METTL15: variants seen among roughly 807,000 people sequenced by gnomAD.
METTL15 encodes the protein methyltransferase 15, mitochondrial 12S rRNA N4-cytidine, also known as 12S rRNA N(4)-cytidine methyltransferase METTL15.
In METTL15, 34 loss-of-function variants were observed where a neutral mutation model predicts 38.3. That is an observed-to-expected ratio of 0.89 (90% CI 0.68 to 1.18). METTL15 has a LOEUF of 1.18. METTL15 is among the 50% of genes most tolerant of loss of function. The probability of loss-of-function intolerance (pLI) is 0.00; values close to 1 mark genes in which losing one functional copy is unlikely to be tolerated. For synonymous variants in METTL15, 162 were observed against 170.9 expected (o/e 0.95, Z 0.41); for missense variants, 438 against 498.4 (o/e 0.88, Z 1.15).
At chr11:28,356,069 T>C (rs1850087493) in intron 4 of METTL15, among the ~76,000 whole-genome samples, 1 of 152,192 alleles carries the variant, frequency 6.6e-6, no homozygotes, top group African/African-American at 2.4e-5. Flanking sequence ...GAACATATAA[T>C]TTTATGACTT....
chr11:28,287,981 C>G (rs1006973524), intron 4 of METTL15, among the ~76,000 whole-genome samples: 2 of 152,042 alleles, frequency 1.3e-5, no homozygotes, highest in African/African-American at 4.8e-5. Context: ...ATGTCTTCTT[C>G]CCTTCGGCTG....
rs371416252 is a variant in METTL15, at chr11:28,191,510, A to G, written c.271-19552A>G. On this transcript the variant is annotated intron_variant, in intron 3 of 6. Coordinates refer to ENST00000407364, the MANE Select transcript of METTL15 (RefSeq NM_001113528.2). ...CCAAAAGGTTTTTTTTCAGTACAACATGTAGTCAATAATAGTATCTTTTCA... is the reference window on the plus strand; with the variant it reads ...CCAAAAGGTTTTTTTTCAGTACAACGTGTAGTCAATAATAGTATCTTTTCA... 2.0e-5 allele frequency among the ~76,000 whole-genome samples: 3 copies of G among 151,628 alleles called. No homozygotes were observed. The South Asian group carries it at 6.2e-4, about 31-fold the overall frequency.
chr11:28,519,054 A>G (rs887219064), intron 6 of METTL15: 3 of 152,262 alleles, frequency 2.0e-5, no homozygotes, highest in African/African-American at 4.8e-5. Flanking sequence ...AGTCTTAAAC[A>G]CTGAAAACCA....
chr11:28,504,900 C>T (rs1851615062), intron 6 of METTL15, among the ~76,000 whole-genome samples: 1 of 152,198 alleles, frequency 6.6e-6, no homozygotes, highest in Admixed American at 6.5e-5. Flanking sequence ...TGTCATTATT[C>T]ACTGGGGAGC....
chr11:28,428,190 A>T (rs1227567954), intron 6 of METTL15, among the ~76,000 whole-genome samples: 1 of 152,218 alleles, frequency 6.6e-6, no homozygotes, highest in East Asian at 1.9e-4. Flanking sequence ...CTACACACTC[A>T]GGCTATATAG....
At chr11:28,444,416 A>T (rs1851058933) in intron 6 of METTL15, among the ~76,000 whole-genome samples, 3 of 152,200 alleles carry the variant, frequency 2.0e-5, no homozygotes, top group Admixed American at 1.3e-4. Context: ...GCTTATAGTT[A>T]TTGGAATTTA....
chr11:28,481,860 G>C (rs530074633), intron 6 of METTL15, among the ~76,000 whole-genome samples: 20 of 152,112 alleles, frequency 1.3e-4, no homozygotes, highest in Non-Finnish European at 2.2e-4. Flanking sequence ...GGCGAGGGTC[G>C]CTGCAAGTTT....
intron 3 of METTL15, among the ~76,000 whole-genome samples, chr11:28,143,791 A>G (rs1849783332): frequency 6.6e-6 from 1 of 152,178 alleles, no homozygotes; most frequent in South Asian, 2.1e-4. Context: ...GCCTTGAGAA[A>G]AGATATCTTG....
At chr11:28,422,663 A>G (rs999714134) in intron 5 of METTL15, among the ~76,000 whole-genome samples, 4 of 152,004 alleles carry the variant, frequency 2.6e-5, no homozygotes, top group African/African-American at 9.7e-5. Flanking sequence ...ATCAAATTAA[A>G]CCTCTATCCC....
intron 3 of METTL15, among the ~76,000 whole-genome samples, chr11:28,194,303 A>G (rs1261024373): frequency 1.3e-5 from 2 of 151,282 alleles, no homozygotes; most frequent in South Asian, 2.1e-4. Flanking sequence ...GGTTCAAGCA[A>G]TTCTCCTGCC....
chr11:28,119,231 T>TGA (rs1174771001), intron 3 of METTL15, among the ~76,000 whole-genome samples: 2 of 152,194 alleles, frequency 1.3e-5, no homozygotes, highest in Non-Finnish European at 2.9e-5. Context: ...ACACCTCTCT[T>TGA]AGTAGATTGC....
At chr11:28,477,780 A>G (rs1851359684) in intron 6 of METTL15, among the ~76,000 whole-genome samples, 1 of 152,076 alleles carries the variant, frequency 6.6e-6, no homozygotes, top group Non-Finnish European at 1.5e-5. Context: ...ATTGTTTTTA[A>G]TATTCATCTT....
At chr11:28,478,720 A>G (rs78192179) in intron 6 of METTL15, among the ~76,000 whole-genome samples, 183 of 152,284 alleles carry the variant, frequency 1.2e-3, no homozygotes, top group Non-Finnish European at 2.1e-3. Context: ...AAAAAACATG[A>G]AGCAGTAAGC....
chr11:28,263,551 T>C (rs1162015793), intron 4 of METTL15, among the ~76,000 whole-genome samples: 1 of 152,100 alleles, frequency 6.6e-6, no homozygotes, highest in African/African-American at 2.4e-5. Context: ...CATTATTATA[T>C]AATTAATCAT....
In METTL15 at chr11:28,284,437, G is replaced by T. The variant is rs745703800; in HGVS notation, c.408-5769G>T. The stretch of plus-strand genomic sequence containing the variant: ...ATAACTATAATATCTAAGGAATTAA[G>T]ACTGGACAGTAGCGATTTGTTATAG... On this transcript the variant is annotated intron_variant, in intron 4 of 6. Coordinates refer to ENST00000407364, the MANE Select transcript of METTL15 (RefSeq NM_001113528.2). 2.6e-5 allele frequency among the ~76,000 whole-genome samples: 4 copies of T among 152,296 alleles called. No individual in the cohort carries two copies. In the South Asian group the frequency reaches 6.2e-4, roughly 24 times the overall value.
rs145905388 is a variant in METTL15 at position 28,157,355 on chromosome 11, C to T, written c.270+43751C>T. Among the ~76,000 whole-genome samples, 661 of 152,332 alleles carry T rather than the reference C, an allele frequency of 4.3e-3. 8 individuals are homozygous for T. Among genetic ancestry groups the T allele is most frequent in the African/African-American group, 0.014 (598 of 41,584 alleles). On this transcript the variant is annotated intron_variant, in intron 3 of 6. Coordinates refer to ENST00000407364, the MANE Select transcript of METTL15 (RefSeq NM_001113528.2). ...GGTCCAGGCTGCTGTGCATGCTGCT[C>T]TGCCACTTGGGCAATATGACCCAGC... is the stretch of plus-strand genomic sequence containing the variant.
chr11:28,241,436 A>C (rs1260316045), intron 4 of METTL15, among the ~76,000 whole-genome samples: 1 of 151,742 alleles, frequency 6.6e-6, no homozygotes, highest in Non-Finnish European at 1.5e-5. Context: ...CGGGAGGCTG[A>C]GGCAGGAGAA....
At chr11:28,497,392 A>G (rs1021135642) in intron 6 of METTL15, among the ~76,000 whole-genome samples, 4 of 152,218 alleles carry the variant, frequency 2.6e-5, no homozygotes, top group African/African-American at 4.8e-5. Context: ...GTGCTCCAAA[A>G]TGGGAAAGAA....
intron 5 of METTL15, among the ~76,000 whole-genome samples, chr11:28,380,269 A>C (rs1181257361): frequency 4.0e-5 from 6 of 149,016 alleles, no homozygotes; most frequent in Admixed American, 2.0e-4. Context: ...CTGGGTTCAC[A>C]CCATTCTCCT....
Sources: allele counts gnomAD v4.1 joint callset (sites outside exome capture counted in the v4.1 genomes callset), GRCh38; gene constraint gnomAD v4.1.1; transcripts MANE v1.5; gene names NCBI Gene and HGNC (gene_info 2026-07-23, HGNC 2026-07-21).